Variants in BMERB1 observed in about 807,000 individuals in gnomAD.
BMERB1 encodes the protein bMERB domain containing 1.
A neutral mutation model predicts 23.6 loss-of-function variants in BMERB1; 12 were observed. That is an observed-to-expected ratio of 0.51 (90% CI 0.33 to 0.82). BMERB1 has a LOEUF of 0.82. Ranked by LOEUF, BMERB1 falls within the 40% of genes least tolerant of loss-of-function variation. The pLI is 0.03. For missense variants in BMERB1, 247 were observed against 255.4 expected (o/e 0.97, Z 0.22); for synonymous variants, 122 against 96.6 (o/e 1.26, Z -1.54).
At chr16:15,557,282 C>T (rs966557790) in intron 2 of BMERB1, among the ~76,000 whole-genome samples, 1 of 152,122 alleles carries the variant, frequency 6.6e-6, no homozygotes, top group Non-Finnish European at 1.5e-5. Flanking sequence ...TGGAACGAGC[C>T]GGCAGCAGCA....
At chr16:15,481,309 G>A (rs1336550291) in intron 1 of BMERB1, among the ~76,000 whole-genome samples, 2 of 152,154 alleles carry the variant, frequency 1.3e-5, no homozygotes, top group East Asian at 1.9e-4. Flanking sequence ...GGTGGATCAC[G>A]AGGTCAGGGG....
At position 15,559,601 on chromosome 16, in the gene BMERB1, TGTAAATGCTCC is replaced by T. The variant is rs569414146; in HGVS notation, c.231-8372_231-8362del. 7.6e-3 allele frequency among the ~76,000 whole-genome samples: 1,159 copies of T among 152,346 alleles called. 18 individuals are homozygous for T. Among genetic ancestry groups the T allele is most frequent in the African/African-American group, 0.026 (1,087 of 41,582 alleles). ...TTTATGCACAGAAAGTGCATTTACATGTAAATGCTCCGTAAATGCTGACTTCTTGTTTGCCT... is the reference window on the plus strand; with the variant it reads ...TTTATGCACAGAAAGTGCATTTACATGTAAATGCTGACTTCTTGTTTGCCT... On this transcript the variant is annotated intron_variant, in intron 2 of 5. Transcript: ENST00000300006.
At chr16:15,576,933 C>T (rs190108907) in intron 3 of BMERB1, among the ~76,000 whole-genome samples, 1 of 152,112 alleles carries the variant, frequency 6.6e-6, no homozygotes, top group Non-Finnish European at 1.5e-5. Context: ...ATGGGAATTC[C>T]GGCCTGTGGC....
intron 2 of BMERB1, among the ~76,000 whole-genome samples, chr16:15,561,655 G>A (rs1167268188): frequency 1.3e-5 from 2 of 152,110 alleles, no homozygotes. Context: ...TGCTTTGGGA[G>A]GCTGACATGG....
At chr16:15,521,204 G>A (rs551004640) in intron 2 of BMERB1, among the ~76,000 whole-genome samples, 6 of 152,136 alleles carry the variant, frequency 3.9e-5, no homozygotes, top group Admixed American at 6.5e-5. Context: ...CTTTCTATGC[G>A]GCGAGCAGCA....
chr16:15,505,383 A>G (rs1179984580), intron 1 of BMERB1, among the ~76,000 whole-genome samples: 1 of 152,204 alleles, frequency 6.6e-6, no homozygotes, highest in Non-Finnish European at 1.5e-5. Flanking sequence ...TTTGTCTTTA[A>G]TGCCCCTAGT....
chr16:15,562,303 C>CAA (rs55709812), intron 2 of BMERB1, among the ~76,000 whole-genome samples: 134 of 79,384 alleles, frequency 1.7e-3, no homozygotes, highest in Non-Finnish European at 2.4e-3. Context: ...AACTCTTTTT[C>CAA]AAAAAAAAAA....
At chr16:15,586,694 C>T in intron 5 of BMERB1, 23 bp from the exon 6 acceptor site, 1 of 1,571,174 alleles carries the variant, frequency 6.4e-7, no homozygotes, top group Non-Finnish European at 8.7e-7. Context: ...TCCCCCTCTC[C>T]CTGTGCCCAC....
intron 2 of BMERB1, among the ~76,000 whole-genome samples, chr16:15,532,381 G>A (rs1259101026): frequency 3.3e-5 from 5 of 151,548 alleles, no homozygotes; most frequent in African/African-American, 1.2e-4. Flanking sequence ...ACAGGCACCC[G>A]CCACTGCTCC....
intron 1 of BMERB1, among the ~76,000 whole-genome samples, chr16:15,511,514 C>T (rs2051665069): frequency 1.3e-5 from 2 of 152,268 alleles, no homozygotes; most frequent in Non-Finnish European, 1.5e-5. Context: ...GCAGATTCTG[C>T]ACTATTTATG....
At chr16:15,582,831 A>G (rs1486244734) in intron 4 of BMERB1, among the ~76,000 whole-genome samples, 2 of 152,118 alleles carry the variant, frequency 1.3e-5, no homozygotes. Context: ...GCACAGGTGA[A>G]TAGGGTGGCT....
At chr16:15,572,974 C>T (rs567803027) in intron 3 of BMERB1, among the ~76,000 whole-genome samples, 1 of 152,250 alleles carries the variant, frequency 6.6e-6, no homozygotes, top group African/African-American at 2.4e-5. Flanking sequence ...TTGCCTTCTG[C>T]CGTGATTGTG....
intron 1 of BMERB1, among the ~76,000 whole-genome samples, chr16:15,440,070 C>T (rs1375371410): frequency 6.6e-6 from 1 of 151,600 alleles, no homozygotes; most frequent in Non-Finnish European, 1.5e-5. Context: ...CATGGTGAAA[C>T]CCTGTCTGTA....
intron 1 of BMERB1, among the ~76,000 whole-genome samples, chr16:15,465,354 T>TATATA (rs1555506496): frequency 3.1e-4 from 12 of 39,226 alleles, no homozygotes; most frequent in East Asian, 1.5e-3. Flanking sequence ...AAGATATATA[T>TATATA]TTTTTTTTTT....
chr16:15,536,276 G>A (rs535883415), intron 2 of BMERB1, among the ~76,000 whole-genome samples: 1 of 152,168 alleles, frequency 6.6e-6, no homozygotes, highest in South Asian at 2.1e-4. Context: ...TTGTCTTCCT[G>A]ACCGCTGGGC....
chr16:15,546,279 C>T (rs1163162579), intron 2 of BMERB1, among the ~76,000 whole-genome samples: 1 of 152,162 alleles, frequency 6.6e-6, no homozygotes, highest in Non-Finnish European at 1.5e-5. Context: ...CAGAGCAAGA[C>T]CCTGTTTCCC....
intron 2 of BMERB1, among the ~76,000 whole-genome samples, chr16:15,516,482 T>G (rs1598487546): frequency 6.6e-6 from 1 of 152,152 alleles, no homozygotes; most frequent in East Asian, 1.9e-4. Flanking sequence ...AAAAAGTTTT[T>G]TTAAAAATTG....
At chr16:15,445,993 GAA>G (rs1178622282) in intron 1 of BMERB1, among the ~76,000 whole-genome samples, 1 of 152,124 alleles carries the variant, frequency 6.6e-6, no homozygotes, top group East Asian at 1.9e-4. Context: ...AAGCAAGAAA[GAA>G]AAGAGTACAT....
intron 1 of BMERB1, among the ~76,000 whole-genome samples, chr16:15,506,886 G>T (rs867869653): frequency 3.9e-5 from 6 of 152,200 alleles, no homozygotes; most frequent in African/African-American, 1.4e-4. Context: ...TGTGCAGCGA[G>T]TAGCAGGATC....
Sources: gnomAD v4.1 joint callset for allele counts (sites outside exome capture counted in the v4.1 genomes callset) on GRCh38, gnomAD v4.1.1 for gene constraint, MANE v1.5 for transcripts, NCBI Gene and HGNC (gene_info 2026-07-23, HGNC 2026-07-21) for gene names.